Variants in CDH23 observed in about 807,000 individuals in gnomAD.
CDH23 encodes cadherin related 23.
Under a neutral mutation model 317.1 loss-of-function variants are expected in CDH23, and 189 were observed. The ratio of observed to expected loss-of-function variants is 0.60; its 90% CI spans 0.53 to 0.67. CDH23 has a LOEUF of 0.67. Ranked by LOEUF, CDH23 falls within the 30% of genes least tolerant of loss-of-function variation. The pLI is 0.00. For synonymous variants in CDH23, 1,839 were observed against 1,876.8 expected, an observed-to-expected ratio of 0.98 and a Z score of 0.52; for missense variants, 4,401 against 4,592.4, an observed-to-expected ratio of 0.96 and a Z score of 1.20.
chr10:71,687,542 T>C (rs1864956797), intron 18 of CDH23, 105 bp from the exon 19 acceptor site: 3 of 1,008,456 alleles, frequency 3.0e-6, no homozygotes, highest in Admixed American at 1.9e-5. Flanking sequence ...CAAAGCTCTT[T>C]AGGGCCAGCC....
At chr10:71,529,782 C>T (rs1855254710) in intron 6 of CDH23, among the ~76,000 whole-genome samples, 1 of 152,124 alleles carries the variant, frequency 6.6e-6, no homozygotes, top group Admixed American at 6.5e-5. Flanking sequence ...GCCCTACAAG[C>T]CCAAGAAACA....
At chr10:71,465,295 G>A (rs1243019210) in intron 3 of CDH23, among the ~76,000 whole-genome samples, 1 of 152,226 alleles carries the variant, frequency 6.6e-6, no homozygotes, top group Non-Finnish European at 1.5e-5. Context: ...AACAGACTCA[G>A]CTACCTGCCC....
chr10:71,661,173 C>T (rs10999938), intron 14 of CDH23, among the ~76,000 whole-genome samples: 1 of 152,124 alleles, frequency 6.6e-6, no homozygotes, highest in African/African-American at 2.4e-5. Flanking sequence ...AACTGCTCCC[C>T]GAGAGCCTGG....
chr10:71,791,116 C>A lies in CDH23; in HGVS notation c.6050-16C>A, dbSNP rs375253318. On this transcript the variant is annotated splice_polypyrimidine_tract_variant and intron_variant, in intron 46 of 69. Transcript: ENST00000224721. ...CTTTTCTGTGTGTTTCCCTGGCTGG[C>A]GGCACCGGGTGCCAGGTGTGGTGAC... 3.1e-6 allele frequency: 5 copies of A among 1,589,224 alleles called. No individual in the cohort carries two copies. In the African/African-American group the frequency reaches 4.0e-5, roughly 13 times the overall value.
At chr10:71,439,167 G>T (rs1470837386) in intron 1 of CDH23, among the ~76,000 whole-genome samples, 1 of 152,218 alleles carries the variant, frequency 6.6e-6, no homozygotes, top group East Asian at 1.9e-4. Flanking sequence ...TCAAAATTCA[G>T]CTTTAGCCTC....
intron 55 of CDH23, among the ~76,000 whole-genome samples, chr10:71,804,991 A>G (rs1841667770): frequency 6.6e-6 from 1 of 152,186 alleles, no homozygotes; most frequent in Admixed American, 6.5e-5. Flanking sequence ...AGCATGTATT[A>G]ATTATCTATA....
At chr10:71,774,991 T>C (rs1028017677) in intron 38 of CDH23, among the ~76,000 whole-genome samples, 2 of 152,112 alleles carry the variant, frequency 1.3e-5, no homozygotes, top group East Asian at 1.9e-4. Context: ...TATTACTAAG[T>C]GAACTTGTGC....
In CDH23 at chr10:71,779,307, C is replaced by A. The variant is rs191021194; in HGVS notation, c.5228C>A (p.Thr1743Asn). ...AATGACATCAACGACAATGTGCCTA[C>A]CTTCCCCCGGGACTATGAGGGACCA... is the stretch of plus-strand genomic sequence containing the variant. Reference protein sequence around the residue: ...NVNDINDNVPTFPRDYEGPFE... With the variant: ...NVNDINDNVPNFPRDYEGPFE... The change falls in exon 41 of 70, where the codon ACC becomes AAC. Residue 1743 changes from threonine (T) to asparagine (N), a missense_variant. Around this residue, in one of 3 missense-constraint regions of CDH23, gnomAD observed 3,068 missense variants for 3,203.3 expected, o/e 0.96. Transcript: ENST00000224721. 186 of 1,614,042 alleles carry A rather than the reference C, an allele frequency of 1.2e-4. No homozygotes were observed. Among genetic ancestry groups the A allele is most frequent in the Middle Eastern group, 3.3e-4 (2 of 6,062 alleles).
chr10:71,582,957 G>GA (rs1194670600), intron 9 of CDH23, among the ~76,000 whole-genome samples: 1 of 152,172 alleles, frequency 6.6e-6, no homozygotes, highest in Non-Finnish European at 1.5e-5. Flanking sequence ...GCTCCCTGGG[G>GA]GCCTGTTAGA....
chr10:71,418,102 T>A (rs1479205367), intron 1 of CDH23, among the ~76,000 whole-genome samples: 2 of 152,238 alleles, frequency 1.3e-5, no homozygotes, highest in East Asian at 3.8e-4. Context: ...AACTATTGTC[T>A]TGAACATATT....
At chr10:71,697,310 T>A (rs936982925) in intron 22 of CDH23, among the ~76,000 whole-genome samples, 1 of 152,084 alleles carries the variant, frequency 6.6e-6, no homozygotes, top group Non-Finnish European at 1.5e-5. Flanking sequence ...TTCCAGGAAA[T>A]CCACGAGCTA....
chr10:71,676,299 C>G (rs1377675578), intron 15 of CDH23, among the ~76,000 whole-genome samples: 1 of 151,998 alleles, frequency 6.6e-6, no homozygotes, highest in African/African-American at 2.4e-5. Flanking sequence ...GCTTGAATGA[C>G]TGGCCCCAGC....
chr10:71,667,359 A>AGAGAGAGTGG (rs58361666), intron 14 of CDH23, among the ~76,000 whole-genome samples: 1 of 112,080 alleles, frequency 8.9e-6, no homozygotes, highest in African/African-American at 4.0e-5. Flanking sequence ...AGAGAGAGAG[A>AGAGAGAGTGG]GTGTGTGTGT....
chr10:71,520,029 A>G (rs1277368484), intron 6 of CDH23, among the ~76,000 whole-genome samples: 2 of 152,178 alleles, frequency 1.3e-5, no homozygotes, highest in African/African-American at 2.4e-5. Flanking sequence ...GCTGGCCTCA[A>G]ACTTCTGGGT....
Position 71,793,427 on chromosome 10 carries a change from A to C in CDH23, c.6499A>C (p.Ile2167Leu). 1 of 1,614,032 alleles carries C rather than the reference A, an allele frequency of 6.2e-7. No individual in the cohort carries two copies. The highest frequency in any genetic ancestry group is 8.5e-7 in the Non-Finnish European group (1 of 1,179,888). ...CATTGTCACCATTCTGATCGATGACATCAATGACTCCCGCCCCGAGTTCCT... is the reference window on the plus strand; with the variant it reads ...CATTGTCACCATTCTGATCGATGACCTCAATGACTCCCGCCCCGAGTTCCT... ...TAIVTILIDD[I>L]NDSRPEFLNP... The change falls in exon 48 of 70, where the codon ATC becomes CTC. Residue 2167 changes from isoleucine to leucine, a missense_variant. Transcript: ENST00000224721.
At chr10:71,681,432 A>G (rs1864645483) in intron 17 of CDH23, among the ~76,000 whole-genome samples, 1 of 152,132 alleles carries the variant, frequency 6.6e-6, no homozygotes, top group African/African-American at 2.4e-5. Context: ...ACAGGCATCT[A>G]TCTTAGCTCC....
At chr10:71,558,301 G>A (rs1186119742) in intron 6 of CDH23, among the ~76,000 whole-genome samples, 2 of 152,098 alleles carry the variant, frequency 1.3e-5, no homozygotes, top group Admixed American at 1.3e-4. Flanking sequence ...TGCCTGGCCT[G>A]TATTTTTTTT....
chr10:71,811,258 T>G, intron 62 of CDH23, 57 bp from the exon 63 acceptor site: 1 of 1,612,606 alleles, frequency 6.2e-7, no homozygotes, highest in South Asian at 1.1e-5. Flanking sequence ...CAGAGCAGAC[T>G]GTCGGTGGTG....
At chr10:71,481,563 C>T (rs946672081) in intron 3 of CDH23, among the ~76,000 whole-genome samples, 1 of 152,212 alleles carries the variant, frequency 6.6e-6, no homozygotes, top group African/African-American at 2.4e-5. Flanking sequence ...TTCCACATCC[C>T]TCCCCTTTTG....
Sources: gnomAD v4.1 joint callset for allele counts (sites outside exome capture counted in the v4.1 genomes callset) on GRCh38, gnomAD v4.1.1 for gene constraint, gnomAD v4.1.1 regional missense constraint, MANE v1.5 for transcripts, NCBI Gene and HGNC (gene_info 2026-07-23, HGNC 2026-07-21) for gene names.